PYY: variants seen among roughly 807,000 people sequenced by gnomAD.
PYY encodes the protein peptide tyrosine tyrosine.
A neutral mutation model predicts 10.3 loss-of-function variants in PYY; 12 were observed. The ratio of observed to expected loss-of-function variants is 1.17; its 90% CI spans 0.75 to 1.89. The LOEUF is 1.89. PYY is among the 40% of genes most tolerant of loss of function. The probability of loss-of-function intolerance (pLI) is 0.00; values close to 1 mark genes in which losing one functional copy is unlikely to be tolerated. For synonymous variants in PYY, 66 were observed against 62.0 expected (o/e 1.06, Z -0.30); for missense variants, 141 against 134.0 (o/e 1.05, Z -0.26).
At chr17:43,983,993 C>T (rs949987172) in intron 1 of PYY, among the ~76,000 whole-genome samples, 2 of 152,226 alleles carry the variant, frequency 1.3e-5, no homozygotes, top group African/African-American at 2.4e-5. Flanking sequence ...CCGCAAACAC[C>T]GCGCCCGGAT....
upstream of PYY, among the ~76,000 whole-genome samples, chr17:43,955,350 C>G (rs965277183): frequency 5.9e-5 from 9 of 152,334 alleles, no homozygotes; most frequent in African/African-American, 2.2e-4. Context: ...TGAGCCAGCC[C>G]CTCCAGCCCC....
At chr17:43,980,535 C>T (rs1179095427) in intron 1 of PYY, among the ~76,000 whole-genome samples, 2 of 151,868 alleles carry the variant, frequency 1.3e-5, no homozygotes, top group Non-Finnish European at 2.9e-5. Flanking sequence ...AGCGTAGTAG[C>T]GCAATCTCGG....
chr17:43,977,121 A>G (rs2143932306), intron 1 of PYY, among the ~76,000 whole-genome samples: 1 of 151,878 alleles, frequency 6.6e-6, no homozygotes, highest in East Asian at 1.9e-4. Context: ...TTCATCCCCC[A>G]TTCTGTGTCT....
chr17:43,956,905 G>A (rs2048675732), upstream of PYY, among the ~76,000 whole-genome samples: 1 of 132,726 alleles, frequency 7.5e-6, no homozygotes, highest in Non-Finnish European at 1.6e-5. Context: ...TTGTCATACA[G>A]CAAGTGTAAT....
chr17:43,989,008 C>G lies in PYY; in HGVS notation c.-463+15383G>C, dbSNP rs182713008. ...AACTCCTGACCTCAAGTGATCTGCC[C>G]GCCTCAGCCTCCCAAAGTGCTGAGA... On this transcript the variant is annotated intron_variant, in intron 1 of 6. Coordinates refer to the PYY transcript ENST00000360085. Among the ~76,000 whole-genome samples, 401 of 152,078 alleles carry G rather than the reference C, an allele frequency of 2.6e-3. 2 individuals carry two copies. Among genetic ancestry groups the G allele is most frequent in the African/African-American group, 9.1e-3 (378 of 41,550 alleles).
rs162430 is a variant in PYY at position 43,953,041 on chromosome 17, G to A, written c.270-61C>T. ...AGGCGAGCCTGGGAGACGTCGTTAA[G>A]TGATGTTGCCAGGGTAGGGCCAGGC... On this transcript the variant is annotated intron_variant, in intron 3 of 3. Coordinates refer to ENST00000692052, the MANE Select transcript of PYY (RefSeq NM_001394028.1). 230,233 of 1,590,194 alleles carry A rather than the reference G, an allele frequency of 0.14. 29,811 individuals are homozygous for A. The highest frequency in any genetic ancestry group is 0.68 in the East Asian group (30,247 of 44,548).
At chr17:43,971,148 A>G (rs2048789871) in intron 1 of PYY, among the ~76,000 whole-genome samples, 1 of 152,124 alleles carries the variant, frequency 6.6e-6, no homozygotes, top group African/African-American at 2.4e-5. Flanking sequence ...TGGCTGTACC[A>G]TTTTGCATTC....
chr17:44,000,466 G>A (rs1233174488), intron 1 of PYY, among the ~76,000 whole-genome samples: 1 of 152,054 alleles, frequency 6.6e-6, no homozygotes, highest in Non-Finnish European at 1.5e-5. Context: ...AATGGCCACA[G>A]CTGGGTGTGT....
At chr17:43,996,016 A>G (rs1420516806) in intron 1 of PYY, among the ~76,000 whole-genome samples, 2 of 151,998 alleles carry the variant, frequency 1.3e-5, no homozygotes, top group Non-Finnish European at 2.9e-5. Context: ...AAAATTATAT[A>G]TATATATGAA....
At chr17:44,003,674 A>AAAC (rs2049047800) in intron 1 of PYY, among the ~76,000 whole-genome samples, 1 of 138,224 alleles carries the variant, frequency 7.2e-6, no homozygotes, top group African/African-American at 3.4e-5. Flanking sequence ...AACAAACAAA[A>AAAC]AAAAAAAAAA....
At chr17:43,993,232 G>A (rs1440337162) in intron 1 of PYY, among the ~76,000 whole-genome samples, 3 of 151,968 alleles carry the variant, frequency 2.0e-5, no homozygotes, top group Non-Finnish European at 4.4e-5. Flanking sequence ...AGGCCAAGGC[G>A]GGTGGATCAC....
At chr17:43,982,116 G>A (rs1011002763) in intron 1 of PYY, among the ~76,000 whole-genome samples, 10 of 152,268 alleles carry the variant, frequency 6.6e-5, no homozygotes, top group Non-Finnish European at 1.2e-4. Flanking sequence ...GCCCAGGGGA[G>A]CTCTCCAGAG....
intron 1 of PYY, among the ~76,000 whole-genome samples, chr17:43,973,734 G>T (rs1446286885): frequency 1.3e-5 from 2 of 152,208 alleles, no homozygotes; most frequent in Non-Finnish European, 2.9e-5. Context: ...GGCAGAGATT[G>T]CAGTGAGCCA....
chr17:43,995,065 G>A (rs1420614141), intron 1 of PYY, among the ~76,000 whole-genome samples: 2 of 152,178 alleles, frequency 1.3e-5, no homozygotes, highest in African/African-American at 4.8e-5. Flanking sequence ...TCGCGTGGCC[G>A]GGCCGGCATC....
chr17:43,973,837 C>T (rs1308532661), intron 1 of PYY, among the ~76,000 whole-genome samples: 1 of 152,062 alleles, frequency 6.6e-6, no homozygotes, highest in Non-Finnish European at 1.5e-5. Context: ...AACAGACAAT[C>T]GCAAAAACAA....
intron 1 of PYY, among the ~76,000 whole-genome samples, chr17:43,976,832 T>C (rs1215174661): frequency 6.6e-6 from 1 of 152,142 alleles, no homozygotes; most frequent in African/African-American, 2.4e-5. Flanking sequence ...TATGTTTCTC[T>C]ACCCCCTACC....
At chr17:43,991,587 C>T (rs1383129640) in intron 1 of PYY, among the ~76,000 whole-genome samples, 1 of 152,162 alleles carries the variant, frequency 6.6e-6, no homozygotes, top group Non-Finnish European at 1.5e-5. Context: ...TTCCTCTCCC[C>T]ACAACATACG....
chr17:43,975,477 T>C (rs1339541360), intron 1 of PYY, among the ~76,000 whole-genome samples: 1 of 151,890 alleles, frequency 6.6e-6, no homozygotes. Context: ...AGAGGCCAAG[T>C]TGGGCGGATT....
Position 43,989,885 on chromosome 17 carries a change from TATATATATATATATAC to T in PYY, c.-463+14490_-463+14505del, listed in dbSNP as rs1165958901. ...ATATATATATATATATATATATATATATATATATATATATACACACAAATCTATAAGTAAGACATTA... is the reference window on the plus strand; with the variant it reads ...ATATATATATATATATATATATATATACACAAATCTATAAGTAAGACATTA... On this transcript the variant is annotated intron_variant, in intron 1 of 6. Transcript: ENST00000360085. Among the ~76,000 whole-genome samples, 54 of 32,870 alleles carry T rather than the reference TATATATATATATATAC, an allele frequency of 1.6e-3. 22 individuals carry two copies. Among genetic ancestry groups the T allele is most frequent in the African/African-American group, 6.5e-3 (54 of 8,362 alleles). The allele number at this position is 32,870 out of a possible 152,430, so 21.6% of individuals were successfully genotyped here. A position where few individuals can be genotyped will look rare whatever the true frequency, so the allele number is the denominator to read the frequency against.
Sources: gnomAD v4.1 joint callset for allele counts (sites outside exome capture counted in the v4.1 genomes callset) on GRCh38, gnomAD v4.1.1 for gene constraint, MANE v1.5 for transcripts, NCBI Gene and HGNC (gene_info 2026-07-23, HGNC 2026-07-21) for gene names.